Variants in KCTD20 observed in about 807,000 individuals in gnomAD.
The protein encoded by KCTD20 is BTB/POZ domain-containing protein KCTD20.
In KCTD20, 30 loss-of-function variants were observed where a neutral mutation model predicts 39.6. The observed-to-expected ratio is 0.76, with a 90% CI of 0.57 to 1.03. KCTD20 has a LOEUF of 1.03. Among genes scored for constraint, KCTD20 ranks in the 50% least tolerant of loss-of-function variants. KCTD20 has a pLI of 0.00. For synonymous variants in KCTD20, 162 were observed against 180.6 expected (o/e 0.90, Z 0.83); for missense variants, 422 against 522.0 (o/e 0.81, Z 1.87).
At chr6:36,456,578 CTTTTTTT>C (rs58002986) in intron 1 of KCTD20, among the ~76,000 whole-genome samples, 34,062 of 106,972 alleles carry the variant, frequency 0.32, 4,758 homozygotes, top group East Asian at 0.45. Flanking sequence ...CACGCCCAGG[CTTTTTTT>C]TTTTTTTTTT....
chr6:36,460,324 T>C lies in KCTD20; in HGVS notation c.-46-9728T>C, dbSNP rs532522333. On this transcript the variant is annotated intron_variant, in intron 1 of 7. Coordinates refer to ENST00000373731, the MANE Select transcript of KCTD20 (RefSeq NM_173562.5). ...GCAGAATTAGATCTCTCTTTTTTTT[T>C]CCCGAGACTGAGCCTGTAGCCCAGG... 7.8e-3 allele frequency among the ~76,000 whole-genome samples: 980 copies of C among 124,944 alleles called. 12 individuals are homozygous for C. Among genetic ancestry groups the C allele is most frequent in the African/African-American group, 0.03 (926 of 31,126 alleles). 82.0% of individuals were successfully genotyped at this position (124,944 alleles called of 152,430 possible).
chr6:36,484,767 G>A lies in KCTD20; in HGVS notation c.910G>A (p.Val304Ile). Residue 304 changes from valine (V) to isoleucine (I), a missense_variant, in exon 7 of 8, where the codon GTT becomes ATT. Transcript: ENST00000373731. Reference sequence around the variant, plus strand: ...CTTCAAATATATTGAGAATAGGGATGTTGCAAAAACAGTGTTAAAGGAACG... The same window carrying A: ...CTTCAAATATATTGAGAATAGGGATATTGCAAAAACAGTGTTAAAGGAACG... ...RFFKYIENRDVAKTVLKERGL... is the reference protein window; with the variant it reads ...RFFKYIENRDIAKTVLKERGL... 2 of 1,608,116 alleles carry A rather than the reference G, an allele frequency of 1.2e-6. No homozygotes were observed. The highest frequency in any genetic ancestry group is 1.7e-6 in the Non-Finnish European group (2 of 1,176,794).
chr6:36,449,305 A>G (rs1419405185), intron 1 of KCTD20, among the ~76,000 whole-genome samples: 1 of 151,942 alleles, frequency 6.6e-6, no homozygotes. Flanking sequence ...ATAAACCTTT[A>G]GCTAGACACA....
intron 1 of KCTD20, among the ~76,000 whole-genome samples, chr6:36,456,578 CTTTTT>C (rs58002986): frequency 6.3e-4 from 67 of 106,972 alleles, no homozygotes; most frequent in African/African-American, 2.1e-3. Flanking sequence ...CACGCCCAGG[CTTTTT>C]TTTTTTTTTT....
intron 1 of KCTD20, among the ~76,000 whole-genome samples, chr6:36,452,135 T>C (rs529203365): frequency 2.0e-5 from 3 of 152,300 alleles, no homozygotes; most frequent in African/African-American, 4.8e-5. Context: ...GTGAATCATA[T>C]GAATTGATTT....
chr6:36,444,544 T>TGGG (rs1774980588), intron 1 of KCTD20, among the ~76,000 whole-genome samples: 1 of 152,036 alleles, frequency 6.6e-6, no homozygotes, highest in Admixed American at 6.5e-5. Context: ...CCCAGCTCAC[T>TGGG]CAAGTCTCCC....
chr6:36,470,343 TC>T, intron 2 of KCTD20, 86 bp downstream of exon 2: 1 of 1,260,822 alleles, frequency 7.9e-7, no homozygotes, highest in Non-Finnish European at 1.1e-6. Context: ...ATGTTTTTAA[TC>T]TAAATAAATT....
At chr6:36,479,352 G>GT in intron 4 of KCTD20, 129 bp downstream of exon 4, 5 of 740,422 alleles carry the variant, frequency 6.8e-6, no homozygotes, top group Non-Finnish European at 1.1e-5. Context: ...TTCTCCCTTT[G>GT]TTTTCTATTC....
At position 36,459,233 on chromosome 6, in the gene KCTD20, A is replaced by T. The variant is rs560978657; in HGVS notation, c.-46-10819A>T. ...AGGCTGAGGCAGGAGAATCGCTTGA[A>T]CTCGGAGGCAGAGGTTGTAGTGAGC... On this transcript the variant is annotated intron_variant, in intron 1 of 7. Transcript: ENST00000373731. Among the ~76,000 whole-genome samples the T allele has an allele frequency of 2.6e-5, 4 of 151,898 alleles. No homozygotes were observed. The East Asian group carries it at 7.8e-4, about 30-fold the overall frequency.
intron 1 of KCTD20, among the ~76,000 whole-genome samples, chr6:36,454,890 C>T (rs1233789703): frequency 6.6e-5 from 10 of 151,448 alleles, no homozygotes; most frequent in Admixed American, 1.3e-4. Flanking sequence ...TCAGGTGATC[C>T]GCCCATCTTG....
intron 3 of KCTD20, among the ~76,000 whole-genome samples, chr6:36,476,089 A>C (rs1195181030): frequency 1.3e-5 from 2 of 152,212 alleles, no homozygotes; most frequent in African/African-American, 2.4e-5. Flanking sequence ...ATAGCCTACT[A>C]AGGAGGAACA....
chr6:36,465,603 G>A (rs1775727640), intron 1 of KCTD20: 1 of 151,976 alleles, frequency 6.6e-6, no homozygotes, highest in South Asian at 2.1e-4. Flanking sequence ...TTTTTTAGGT[G>A]CAAGGAATAT....
chr6:36,480,820 G>A (rs573626024), intron 5 of KCTD20, among the ~76,000 whole-genome samples: 2 of 152,288 alleles, frequency 1.3e-5, no homozygotes, highest in South Asian at 2.1e-4. Flanking sequence ...CCAAAGTGCC[G>A]AGGTTACAGG....
chr6:36,472,090 C>T (rs1775928254), intron 2 of KCTD20, among the ~76,000 whole-genome samples: 3 of 152,114 alleles, frequency 2.0e-5, no homozygotes, highest in African/African-American at 7.2e-5. Context: ...CCTCATGATC[C>T]GCCCGCCTCG....
chr6:36,447,583 T>G (rs1038996756), intron 1 of KCTD20, among the ~76,000 whole-genome samples: 1 of 151,188 alleles, frequency 6.6e-6, no homozygotes, highest in South Asian at 2.1e-4. Flanking sequence ...TGAGCCAAGA[T>G]CGCACCACTG....
At chr6:36,474,757 A>C in intron 2 of KCTD20, 32 bp from the exon 3 acceptor site, 1 of 1,514,978 alleles carries the variant, frequency 6.6e-7, no homozygotes, top group Admixed American at 2.2e-5. Flanking sequence ...TTTGCTCTCA[A>C]GTTGTTTTGG....
chr6:36,479,814 CAG>C (rs1776189683), intron 5 of KCTD20, 103 bp downstream of exon 5: 2 of 813,434 alleles, frequency 2.5e-6, no homozygotes, highest in Non-Finnish European at 3.4e-6. Context: ...TTTTTTGAGA[CAG>C]AGTCTCGCTC....
In KCTD20 at chr6:36,485,048, T is replaced by A. The variant is rs554848199; in HGVS notation, c.967+224T>A. 9.9e-5 allele frequency among the ~76,000 whole-genome samples: 15 copies of A among 152,268 alleles called. No homozygotes were observed. The South Asian group carries it at 3.1e-3, about 32-fold the overall frequency. Reference sequence around the variant, plus strand: ...CAGAAACAAGTTCGAGTTTACTACTTCAGGATAAAGAGCAGCAAGGGCAAA... The same window carrying A: ...CAGAAACAAGTTCGAGTTTACTACTACAGGATAAAGAGCAGCAAGGGCAAA... On this transcript the variant is annotated intron_variant, in intron 7 of 7. Transcript: ENST00000373731.
chr6:36,448,293 G>A (rs2127426274), intron 1 of KCTD20, among the ~76,000 whole-genome samples: 1 of 152,120 alleles, frequency 6.6e-6, no homozygotes, highest in African/African-American at 2.4e-5. Flanking sequence ...AATTTTATAT[G>A]CTATACAAAT....
Sources: allele counts gnomAD v4.1 joint callset (sites outside exome capture counted in the v4.1 genomes callset), GRCh38; gene constraint gnomAD v4.1.1; transcripts MANE v1.5; gene names NCBI Gene and HGNC (gene_info 2026-07-23, HGNC 2026-07-21).